RAB3B: variants seen among roughly 807,000 people sequenced by gnomAD.
The protein encoded by RAB3B is ras-related protein Rab-3B.
RAB3B carries 11 observed loss-of-function variants against 20.5 expected under a neutral mutation model. The ratio of observed to expected loss-of-function variants is 0.54; its 90% CI spans 0.34 to 0.89. RAB3B has a LOEUF of 0.89. Ranked by LOEUF, RAB3B falls within the 40% of genes least tolerant of loss-of-function variation. The probability of loss-of-function intolerance (pLI) is 0.02; values close to 1 mark genes in which losing one functional copy is unlikely to be tolerated. For missense variants in RAB3B, 225 were observed against 280.9 expected (o/e 0.80, Z 1.42); for synonymous variants, 99 against 106.3 (o/e 0.93, Z 0.42).
chr1:51,926,395 C>G (rs186934991), intron 4 of RAB3B, among the ~76,000 whole-genome samples: 1 of 152,164 alleles, frequency 6.6e-6, no homozygotes, highest in Admixed American at 6.5e-5. Flanking sequence ...ATACGTCTCC[C>G]CACTCCATTG....
chr1:51,960,983 C>T (rs1571972636), intron 2 of RAB3B, among the ~76,000 whole-genome samples: 1 of 152,168 alleles, frequency 6.6e-6, no homozygotes, highest in South Asian at 2.1e-4. Context: ...ATCTTTACTA[C>T]AACACTAAGA....
intron 2 of RAB3B, among the ~76,000 whole-genome samples, chr1:51,975,790 G>A (rs1407697127): frequency 1.3e-5 from 2 of 152,042 alleles, no homozygotes; most frequent in Non-Finnish European, 2.9e-5. Context: ...TCAGGAGTTC[G>A]AGACCAGCCT....
At chr1:51,954,443 T>G (rs1339731163) in intron 2 of RAB3B, among the ~76,000 whole-genome samples, 1 of 152,232 alleles carries the variant, frequency 6.6e-6, no homozygotes, top group African/African-American at 2.4e-5. Context: ...TTTCAAAATA[T>G]GTTTTAAATA....
intron 1 of RAB3B, among the ~76,000 whole-genome samples, chr1:51,986,935 T>C (rs376164911): frequency 1.3e-5 from 2 of 152,208 alleles, no homozygotes; most frequent in Non-Finnish European, 2.9e-5. Flanking sequence ...GCATGCAGAA[T>C]TGCATTTGTA....
intron 3 of RAB3B, among the ~76,000 whole-genome samples, chr1:51,936,895 C>A (rs1418365936): frequency 6.6e-6 from 1 of 151,970 alleles, no homozygotes; most frequent in African/African-American, 2.4e-5. Flanking sequence ...CTCACTGCAA[C>A]CTCCGCCTCC....
chr1:51,977,165 CCT>C, intron 1 of RAB3B, 48 bp from the exon 2 acceptor site: 2 of 1,422,104 alleles, frequency 1.4e-6, no homozygotes, highest in Non-Finnish European at 2.0e-6. Flanking sequence ...TCGGTGTCAC[CCT>C]GAGTCACCAT....
Position 51,914,075 on chromosome 1 carries a change from A to G in RAB3B, c.*5852T>C, listed in dbSNP as rs1157475767. Reference sequence around the variant, plus strand: ...AACCACCCAGCCAACCCACAGAATCATAAGAAATGATACATGTTTGTTGTT... The same window carrying G: ...AACCACCCAGCCAACCCACAGAATCGTAAGAAATGATACATGTTTGTTGTT... On this transcript the variant is annotated 3_prime_UTR_variant, in exon 5 of 5. Transcript: ENST00000371655. The G allele has an allele frequency of 6.6e-6, 1 of 152,258 alleles. No homozygotes were observed. The highest frequency in any genetic ancestry group is 2.4e-5 in the African/African-American group (1 of 41,456). 9.4% of individuals were successfully genotyped at this position (152,258 alleles called of 1,614,324 possible).
intron 2 of RAB3B, among the ~76,000 whole-genome samples, chr1:51,948,409 T>C (rs1205015464): frequency 1.3e-5 from 2 of 152,266 alleles, no homozygotes; most frequent in African/African-American, 2.4e-5. Flanking sequence ...ATAGTACTGC[T>C]ATCTTCAACT....
intron 2 of RAB3B, among the ~76,000 whole-genome samples, chr1:51,959,798 T>G (rs1007938279): frequency 2.0e-5 from 3 of 152,228 alleles, no homozygotes; most frequent in Non-Finnish European, 4.4e-5. Context: ...TAATGTACGA[T>G]GGTAATAACA....
intron 3 of RAB3B, among the ~76,000 whole-genome samples, chr1:51,935,822 A>G (rs1684390851): frequency 6.6e-6 from 1 of 152,076 alleles, no homozygotes; most frequent in African/African-American, 2.4e-5. Context: ...GGAGAGGAGA[A>G]AGACCCAAGG....
At chr1:51,933,088 A>G (rs915682278) in intron 4 of RAB3B, among the ~76,000 whole-genome samples, 3 of 152,202 alleles carry the variant, frequency 2.0e-5, no homozygotes, top group African/African-American at 7.2e-5. Flanking sequence ...TACACATTCA[A>G]TATAACAAAA....
At chr1:51,980,333 C>T (rs1370879926) in intron 1 of RAB3B, 1 of 296,470 alleles carries the variant, frequency 3.4e-6, no homozygotes, top group Non-Finnish European at 6.4e-6. Context: ...GAGGCTGAAG[C>T]AGGAGTATTA....
intron 2 of RAB3B, among the ~76,000 whole-genome samples, chr1:51,951,582 TG>T (rs1480719377): frequency 3.9e-5 from 6 of 152,066 alleles, no homozygotes; most frequent in African/African-American, 1.5e-4. Context: ...CCAGCTGAGG[TG>T]GGAGAATTGC....
chr1:51,926,941 T>G (rs1487273719), intron 4 of RAB3B, among the ~76,000 whole-genome samples: 2 of 152,184 alleles, frequency 1.3e-5, no homozygotes, highest in Non-Finnish European at 2.9e-5. Context: ...TAATATACTA[T>G]GTACTATACA....
intron 2 of RAB3B, among the ~76,000 whole-genome samples, chr1:51,970,270 G>C (rs1045457757): frequency 2.6e-5 from 4 of 151,970 alleles, no homozygotes; most frequent in Non-Finnish European, 4.4e-5. Context: ...GGTCTCCAGG[G>C]GTTGCTTGGC....
intron 2 of RAB3B, among the ~76,000 whole-genome samples, chr1:51,939,060 A>T (rs1473723866): frequency 2.0e-5 from 3 of 152,232 alleles, no homozygotes; most frequent in African/African-American, 7.2e-5. Flanking sequence ...ACAATTCTTA[A>T]TCACAAGTAG....
At chr1:51,922,491 A>G (rs1684185360) in intron 4 of RAB3B, among the ~76,000 whole-genome samples, 1 of 152,100 alleles carries the variant, frequency 6.6e-6, no homozygotes, top group African/African-American at 2.4e-5. Context: ...ACCCCATAGG[A>G]TAGTAATGAA....
chr1:51,919,378 C>T lies in RAB3B; in HGVS notation c.*549G>A, dbSNP rs1342955320. On this transcript the variant is annotated 3_prime_UTR_variant, in exon 5 of 5. Transcript: ENST00000371655. ...TCTGAAGATTAGCTCTTCCTGTCGC[C>T]ACAGCAACTGCCCAGGCCCTGTGGG... 1 of 152,460 alleles carries T rather than the reference C, an allele frequency of 6.6e-6. No homozygotes were observed. The highest frequency in any genetic ancestry group is 1.5e-5 in the Non-Finnish European group (1 of 68,198). The allele number at this position is 152,460 out of a possible 1,614,324, so 9.4% of individuals were successfully genotyped here. A position where few individuals can be genotyped will look rare whatever the true frequency, so the allele number is the denominator to read the frequency against.
Position 51,910,521 on chromosome 1 carries a change from C to G in RAB3B, c.*9406G>C, listed in dbSNP as rs1274173400. The G allele has an allele frequency of 6.6e-6, 1 of 152,146 alleles. No individual in the cohort carries two copies. The highest frequency in any genetic ancestry group is 1.5e-5 in the Non-Finnish European group (1 of 68,044). The allele number at this position is 152,146 out of a possible 1,614,324, so 9.4% of individuals were successfully genotyped here. On this transcript the variant is annotated 3_prime_UTR_variant, in exon 5 of 5. Coordinates refer to ENST00000371655, the MANE Select transcript of RAB3B (RefSeq NM_002867.4). ...CATCCAAACACAAATTGCTAAGATG[C>G]TTTCTGGCAGCCTCAGAAACCAGGA... is the stretch of plus-strand genomic sequence containing the variant.
Sources: allele counts gnomAD v4.1 joint callset (sites outside exome capture counted in the v4.1 genomes callset), GRCh38; gene constraint gnomAD v4.1.1; transcripts MANE v1.5; gene names NCBI Gene and HGNC (gene_info 2026-07-23, HGNC 2026-07-21).